The following LMLN variants were observed in gnomAD, a reference collection of about 807,000 sequenced individuals.
LMLN encodes leishmanolysin-like peptidase.
A neutral mutation model predicts 92.3 loss-of-function variants in LMLN; 70 were observed. The observed-to-expected ratio is 0.76, with a 90% CI of 0.63 to 0.92. The LOEUF is 0.92. LMLN is among the 40% of genes least tolerant of loss of function. The probability of loss-of-function intolerance (pLI) is 0.00; values close to 1 mark genes in which losing one functional copy is unlikely to be tolerated. For missense variants in LMLN, 691 were observed against 814.6 expected (o/e 0.85, Z 1.85); for synonymous variants, 308 against 296.2 (o/e 1.04, Z -0.41).
exon 5 of LMLN, chr3:197,976,609 C>A: frequency 6.3e-7 from 1 of 1,586,080 alleles, no homozygotes; most frequent in Admixed American, 1.7e-5. Context: ...CAATGTGCAA[C>A]AAACCAATAC....
chr3:198,038,403 A>G (rs192068172), intron 15 of LMLN, 164 bp from the exon 17 acceptor site: 141 of 567,616 alleles, frequency 2.5e-4, no homozygotes, highest in African/African-American at 2.4e-3. Context: ...CCATTAAAAA[A>G]GAAACAAAAA....
intron 1 of LMLN, among the ~76,000 whole-genome samples, chr3:197,967,574 C>G (rs181464477): frequency 1.3e-5 from 2 of 152,128 alleles, no homozygotes; most frequent in African/African-American, 4.8e-5. Flanking sequence ...AGGCCAAGGG[C>G]GAAATCAAAA....
Position 197,976,024 on chromosome 3 carries a change from T to C in LMLN, c.349-5T>C. On this transcript the variant is annotated splice_region_variant and splice_polypyrimidine_tract_variant and intron_variant, in intron 3 of 15. Coordinates refer to ENST00000330198, the Ensembl canonical transcript of LMLN. ...TGTTTCTTTTTTTTTTTAACTTTTA[T>C]TTAGAACAAGCTTTTCCCACAAGCG... The C allele has an allele frequency of 1.3e-6, 2 of 1,551,770 alleles. No individual in the cohort carries two copies.
chr3:197,968,934 G>A (rs778368722), intron 1 of LMLN, among the ~76,000 whole-genome samples: 79 of 152,294 alleles, frequency 5.2e-4, no homozygotes, highest in Middle Eastern at 3.4e-3. Context: ...ATTAAGTTAT[G>A]TCTCTCAAAG....
chr3:198,022,354 C>T (rs373470499), intron 13 of LMLN, among the ~76,000 whole-genome samples: 59 of 152,336 alleles, frequency 3.9e-4, no homozygotes, highest in African/African-American at 1.4e-3. Context: ...AATGTTCTCA[C>T]ATCTGATGTA....
rs1444693621 is a variant in LMLN at position 198,031,400 on chromosome 3, G to T, written c.1657-4433G>T. Among the ~76,000 whole-genome samples the T allele has an allele frequency of 6.6e-6, 1 of 152,158 alleles. No individual in the cohort carries two copies. On this transcript the variant is annotated intron_variant, in intron 14 of 15. Transcript: ENST00000330198. The surrounding 1 kb of genome is among the most constrained non-coding windows in gnomAD (Gnocchi z 4.8). The stretch of plus-strand genomic sequence containing the variant: ...GTCTTCTGCTTTCAGGAGGAAGGGG[G>T]ATGTCAGAACAGTCTTGCTGGGTCT...
chr3:198,033,542 G>A lies in LMLN; in HGVS notation c.1657-2291G>A, dbSNP rs940630999. 1.1e-4 allele frequency among the ~76,000 whole-genome samples: 17 copies of A among 151,668 alleles called. 1 individual carries two copies. In the East Asian group the frequency reaches 1.9e-3, roughly 17 times the overall value. On this transcript the variant is annotated intron_variant, in intron 14 of 15. Coordinates refer to ENST00000330198, the Ensembl canonical transcript of LMLN. ...AGTGATTCTTATGCCTCAGCCACTCGAGTAGCCCACCATTACGCCTGGCTA... is the reference window on the plus strand; with the variant it reads ...AGTGATTCTTATGCCTCAGCCACTCAAGTAGCCCACCATTACGCCTGGCTA...
chr3:197,993,736 C>T (rs186650612), intron 9 of LMLN, among the ~76,000 whole-genome samples: 100 of 152,028 alleles, frequency 6.6e-4, no homozygotes, highest in Admixed American at 2.6e-3. Flanking sequence ...AAAAAAAATC[C>T]TCAAGTTCAT....
intron 11 of LMLN, among the ~76,000 whole-genome samples, chr3:198,006,657 AC>A (rs945582074): frequency 1.3e-5 from 2 of 150,536 alleles, no homozygotes; most frequent in Admixed American, 6.6e-5. Context: ...ATGATGTTGA[AC>A]CTCTTTTCAT....
In LMLN at chr3:198,031,417, G is replaced by C. The variant is rs1270134613; in HGVS notation, c.1657-4416G>C. Among the ~76,000 whole-genome samples, 5 of 152,196 alleles carry C rather than the reference G, an allele frequency of 3.3e-5. No individual in the cohort carries two copies. Among genetic ancestry groups the C allele is most frequent in the African/African-American group, 1.2e-4 (5 of 41,444 alleles). ...GGAAGGGGGATGTCAGAACAGTCTT[G>C]CTGGGTCTGCTGTGTTGAAGTCCCT... On this transcript the variant is annotated intron_variant, in intron 14 of 15. Transcript: ENST00000330198. The surrounding 1 kb of genome is among the most constrained non-coding windows in gnomAD (Gnocchi z 4.8).
chr3:198,007,239 G>A (rs966777020), intron 11 of LMLN, among the ~76,000 whole-genome samples: 1 of 152,138 alleles, frequency 6.6e-6, no homozygotes, highest in Admixed American at 6.5e-5. Context: ...TTGATGTCAA[G>A]TCTAAGAAGT....
intron 11 of LMLN, among the ~76,000 whole-genome samples, chr3:198,001,602 T>C (rs1204709165): frequency 2.0e-5 from 3 of 152,220 alleles, no homozygotes; most frequent in African/African-American, 7.2e-5. Flanking sequence ...AGTTAGCTAG[T>C]AACGTAACTC....
At chr3:198,017,150 G>A (rs143918422) in intron 11 of LMLN, among the ~76,000 whole-genome samples, 238 of 152,216 alleles carry the variant, frequency 1.6e-3, no homozygotes, top group African/African-American at 5.4e-3. Context: ...AAAAAAAACA[G>A]GTTGTGGTCA....
At chr3:197,962,733 T>C (rs1720939672) in intron 1 of LMLN, among the ~76,000 whole-genome samples, 2 of 152,096 alleles carry the variant, frequency 1.3e-5, no homozygotes, top group Admixed American at 1.3e-4. Context: ...TGAAATTAAT[T>C]TTTATATATG....
chr3:198,023,080 T>C (rs1722825492), intron 13 of LMLN, among the ~76,000 whole-genome samples: 1 of 152,184 alleles, frequency 6.6e-6, no homozygotes, highest in Non-Finnish European at 1.5e-5. Flanking sequence ...AGCTTTCTGA[T>C]TCAGCTCAGC....
chr3:197,977,909 A>G (rs1235732508), intron 5 of LMLN, among the ~76,000 whole-genome samples: 3 of 152,176 alleles, frequency 2.0e-5, no homozygotes, highest in African/African-American at 4.8e-5. Context: ...CTGGATACAT[A>G]TAAAAATCAT....
intron 5 of LMLN, among the ~76,000 whole-genome samples, chr3:197,977,447 TTATC>T (rs754553063): frequency 4.6e-4 from 63 of 136,560 alleles, no homozygotes; most frequent in Admixed American, 1.2e-3. Context: ...ACATAAAAAA[TTATC>T]AAACAATCTG....
At chr3:197,994,740 A>C (rs1721970737) in intron 9 of LMLN, 2 of 152,218 alleles carry the variant, frequency 1.3e-5, no homozygotes, top group Admixed American at 1.3e-4. Context: ...AAAGATAAGA[A>C]GTGTTGGTGA....
intron 11 of LMLN, among the ~76,000 whole-genome samples, chr3:198,001,269 T>G (rs1266303646): frequency 1.3e-5 from 2 of 152,196 alleles, no homozygotes; most frequent in African/African-American, 4.8e-5. Flanking sequence ...GATTTACTAC[T>G]GTAGCCTTCA....
Sources: allele counts gnomAD v4.1 joint callset (sites outside exome capture counted in the v4.1 genomes callset), GRCh38; gene constraint gnomAD v4.1.1; non-coding constraint Gnocchi (gnomAD v3.1); transcripts MANE v1.5; gene names NCBI Gene and HGNC (gene_info 2026-07-23, HGNC 2026-07-21).